The following WTIP variants were observed in gnomAD, a reference collection of about 807,000 sequenced individuals.
The protein encoded by WTIP is Wilms tumor protein 1-interacting protein.
WTIP carries 23 observed loss-of-function variants against 41.7 expected under a neutral mutation model. The ratio of observed to expected loss-of-function variants is 0.55; its 90% CI spans 0.40 to 0.78. WTIP has a LOEUF of 0.78. WTIP is among the 30% of genes least tolerant of loss of function. WTIP has a pLI of 0.00. For synonymous variants in WTIP, 314 were observed against 269.9 expected (o/e 1.16, Z -1.60); for missense variants, 619 against 610.5 (o/e 1.01, Z -0.15).
chr19:34,489,811 G>C (rs1265924630), intron 1 of WTIP, among the ~76,000 whole-genome samples: 2 of 152,206 alleles, frequency 1.3e-5, no homozygotes, highest in African/African-American at 4.8e-5. Context: ...GCATGTGCCA[G>C]AAGTCCTAGC....
intron 7 of WTIP, chr19:34,498,525 T>C (rs1333526313): frequency 5.3e-5 from 8 of 152,372 alleles, no homozygotes; most frequent in African/African-American, 1.9e-4. Flanking sequence ...CACCTCCTCA[T>C]GGAAGGTTCT....
rs1248347222 is a variant in WTIP, at chr19:34,482,550, G to A, written c.576G>A (p.Glu192=). The A allele has an allele frequency of 8.1e-7, 1 of 1,229,780 alleles. No individual in the cohort carries two copies. Among genetic ancestry groups the A allele is most frequent in the African/African-American group, 1.6e-5 (1 of 64,026 alleles). The allele number at this position is 1,229,780 out of a possible 1,614,324, so 76.2% of individuals were successfully genotyped here. Residue 192 remains glutamate, a synonymous_variant, in exon 1 of 8, where the codon GAG becomes GAA. Transcript: ENST00000590071. ...LPALPLPPGR[E]GGPSAAERRL... ...CACTCCCGCTGCCCCCTGGCCGGGA[G>A]GGCGGCCCAAGCGCGGCCGAGCGGC...
Position 34,493,805 on chromosome 19 carries a change from C to T in WTIP, c.1031+183C>T, listed in dbSNP as rs749150272. Among the ~76,000 whole-genome samples the T allele has an allele frequency of 2.6e-5, 4 of 152,034 alleles. No homozygotes were observed. Among genetic ancestry groups the T allele is most frequent in the African/African-American group, 7.2e-5 (3 of 41,388 alleles). On this transcript the variant is annotated intron_variant, in intron 5 of 7. Coordinates refer to ENST00000590071, the MANE Select transcript of WTIP (RefSeq NM_001080436.2). The surrounding 1 kb of genome is among the most constrained non-coding windows in gnomAD (Gnocchi z 4.1). ...GCCTGCATCCCCTCTCCTGGTGGTC[C>T]GGCCACCAGCTGTCTTTTGCCTCTT...
At chr19:34,500,082 T>G in intron 7 of WTIP, 47 bp from the exon 8 acceptor site, 2 of 1,587,442 alleles carry the variant, frequency 1.3e-6, no homozygotes. Flanking sequence ...ACCTCTGATG[T>G]GCGCTTGTCT....
At chr19:34,491,120 G>A (rs530147695) in intron 2 of WTIP, among the ~76,000 whole-genome samples, 4 of 151,752 alleles carry the variant, frequency 2.6e-5, no homozygotes, top group South Asian at 2.1e-4. Flanking sequence ...GAGCCACTGC[G>A]CCTGGCCTAC....
In WTIP at chr19:34,493,751, A is replaced by C; in HGVS notation, c.1031+129A>C. ...TTTTGCCTTCCGCCTCCCCTTGTAC[A>C]CCTGGGCTTGGGGCAGGCATGTGTC... On this transcript the variant is annotated intron_variant, in intron 5 of 7. Coordinates refer to ENST00000590071, the MANE Select transcript of WTIP (RefSeq NM_001080436.2). This position sits in a 1 kb window ranked among gnomAD's most constrained non-coding sequence, Gnocchi z 4.1. The C allele has an allele frequency of 7.6e-7, 1 of 1,322,362 alleles. No individual in the cohort carries two copies. The highest frequency in any genetic ancestry group is 1.0e-6 in the Non-Finnish European group (1 of 953,714). 81.9% of individuals were successfully genotyped at this position (1,322,362 alleles called of 1,614,324 possible).
chr19:34,494,798 C>T (rs767125209), intron 6 of WTIP, among the ~76,000 whole-genome samples, 161 bp downstream of exon 6: 8 of 152,188 alleles, frequency 5.3e-5, no homozygotes, highest in Admixed American at 1.3e-4. Context: ...TGCTTGTGTA[C>T]GTGGGGTACA....
rs2075928973 is a variant in WTIP, at chr19:34,510,479, T to G, written c.*10210T>G. ...CTTTGGGTCCAGCCCACAAAACCAT[T>G]TTTTGCTCCTAGGCTTCTGGGTCTG... is the stretch of plus-strand genomic sequence containing the variant. On this transcript the variant is annotated 3_prime_UTR_variant, in exon 8 of 8. Coordinates refer to ENST00000590071, the MANE Select transcript of WTIP (RefSeq NM_001080436.2). The G allele has an allele frequency of 6.6e-6, 1 of 152,128 alleles. No individual in the cohort carries two copies. Among genetic ancestry groups the G allele is most frequent in the East Asian group, 1.9e-4 (1 of 5,192 alleles). The allele number at this position is 152,128 out of a possible 1,614,324, so 9.4% of individuals were successfully genotyped here.
intron 7 of WTIP, among the ~76,000 whole-genome samples, chr19:34,499,472 C>T (rs1180073379): frequency 6.6e-6 from 1 of 152,196 alleles, no homozygotes; most frequent in Non-Finnish European, 1.5e-5. Context: ...CCAGACACTG[C>T]ATTCCAGCCT....
At chr19:34,482,810 C>T (rs1229566841) in intron 1 of WTIP, 169 bp downstream of exon 1, 2 of 981,674 alleles carry the variant, frequency 2.0e-6, no homozygotes, top group African/African-American at 3.5e-5. Flanking sequence ...GACTGGGGAG[C>T]GCAAAGGGTG....
In WTIP at chr19:34,482,202, G is replaced by GGC; in HGVS notation, c.230_231dup (p.Val78ArgfsTer224). ...GCGGGGAGCGGGGTCCCCGGCGCGC[G>GGC]GCGGTTCCGGAGCTCAGCGCGCAGC... On this transcript the variant is annotated frameshift_variant, in exon 1 of 8. Transcript: ENST00000590071. LOFTEE classifies it high-confidence loss of function. 8.9e-7 allele frequency: 1 copy of GGC among 1,119,904 alleles called. No homozygotes were observed. 69.4% of individuals were successfully genotyped at this position (1,119,904 alleles called of 1,614,324 possible). A position where few individuals can be genotyped will look rare whatever the true frequency, so the allele number is the denominator to read the frequency against.
At chr19:34,494,534 C>A in intron 5 of WTIP, 52 bp from the exon 6 acceptor site, 6 of 1,588,886 alleles carry the variant, frequency 3.8e-6, no homozygotes, top group Non-Finnish European at 5.2e-6. Flanking sequence ...TGCTTGTGCC[C>A]TTGGCCTCTG....
chr19:34,484,076 G>T (rs1253448073), intron 1 of WTIP, among the ~76,000 whole-genome samples: 1 of 151,950 alleles, frequency 6.6e-6, no homozygotes, highest in Non-Finnish European at 1.5e-5. Flanking sequence ...ACAGGCATGC[G>T]CCACCACGCC....
rs180737650 is a variant in WTIP, at chr19:34,511,008, G to A, written c.*10739G>A. The A allele has an allele frequency of 3.2e-4, 49 of 152,318 alleles. No homozygotes were observed. In the East Asian group the frequency reaches 9.2e-3, roughly 29 times the overall value. The allele number at this position is 152,318 out of a possible 1,614,324, so 9.4% of individuals were successfully genotyped here. A position where few individuals can be genotyped will look rare whatever the true frequency, so the allele number is the denominator to read the frequency against. On this transcript the variant is annotated 3_prime_UTR_variant, in exon 8 of 8. Coordinates refer to ENST00000590071, the MANE Select transcript of WTIP (RefSeq NM_001080436.2). The stretch of plus-strand genomic sequence containing the variant: ...CCCACATTTTCCTATATTCTTCTGA[G>A]CCCTCCAAACTGTTCCAACCTCTGC...
chr19:34,495,384 G>C (rs566107680), intron 6 of WTIP, among the ~76,000 whole-genome samples: 1 of 151,902 alleles, frequency 6.6e-6, no homozygotes, highest in African/African-American at 2.4e-5. Flanking sequence ...GCAACAGAGA[G>C]AGACCCTGTC....
At chr19:34,496,260 C>T (rs1348528212) in intron 7 of WTIP, among the ~76,000 whole-genome samples, 1 of 152,244 alleles carries the variant, frequency 6.6e-6, no homozygotes, top group African/African-American at 2.4e-5. Flanking sequence ...GAGCCTCAAC[C>T]TCCTGGCTCA....
Position 34,493,434 on chromosome 19 carries a change from C to T in WTIP, c.901-58C>T, listed in dbSNP as rs944143497. The T allele has an allele frequency of 1.2e-6, 2 of 1,603,266 alleles. No individual in the cohort carries two copies. Among genetic ancestry groups the T allele is most frequent in the Non-Finnish European group, 1.7e-6 (2 of 1,175,562 alleles). On this transcript the variant is annotated intron_variant, in intron 4 of 7. Transcript: ENST00000590071. This position sits in a 1 kb window ranked among gnomAD's most constrained non-coding sequence, Gnocchi z 4.1. ...CCAGGGGTTCAGGGCCAGAGCCTCT[C>T]CCAGGGCGGTGCTGAGCCTCCTGCC...
intron 1 of WTIP, among the ~76,000 whole-genome samples, chr19:34,483,555 G>C (rs1445818224): frequency 2.6e-5 from 4 of 152,224 alleles, no homozygotes; most frequent in African/African-American, 9.6e-5. Flanking sequence ...TTGCGGGAGA[G>C]GGGAACCGTG....
At chr19:34,492,148 C>T (rs1231666744) in intron 2 of WTIP, among the ~76,000 whole-genome samples, 2 of 118,668 alleles carry the variant, frequency 1.7e-5, no homozygotes, top group Non-Finnish European at 3.3e-5. Context: ...GGTCTTATGT[C>T]TTCATCCAGG....
Sources: allele counts gnomAD v4.1 joint callset (sites outside exome capture counted in the v4.1 genomes callset), GRCh38; gene constraint gnomAD v4.1.1; non-coding constraint Gnocchi (gnomAD v3.1); transcripts MANE v1.5; gene names NCBI Gene and HGNC (gene_info 2026-07-23, HGNC 2026-07-21).